Variants in SGCZ observed in about 807,000 individuals in gnomAD.
SGCZ encodes sarcoglycan zeta.
SGCZ carries 40 observed loss-of-function variants against 41.3 expected under a neutral mutation model. The ratio of observed to expected loss-of-function variants is 0.97; its 90% confidence interval spans 0.75 to 1.26. The LOEUF (loss-of-function observed/expected upper bound fraction) is 1.26. Ranked by LOEUF, SGCZ falls within the 50% of genes most tolerant of loss-of-function variation. SGCZ has a pLI of 0.00. For synonymous variants in SGCZ, 206 were observed against 137.5 expected (o/e 1.50, Z -3.49); for missense variants, 552 against 369.8 (o/e 1.49, Z -4.04).
At chr8:14,563,367 GC>G (rs1484386286) in intron 1 of SGCZ, among the ~76,000 whole-genome samples, 1 of 152,190 alleles carries the variant, frequency 6.6e-6, no homozygotes, top group Non-Finnish European at 1.5e-5. Context: ...TGGATAGACG[GC>G]AAAGGCTAAA....
At chr8:14,625,500 G>A (rs1252952139) in intron 1 of SGCZ, among the ~76,000 whole-genome samples, 1 of 152,152 alleles carries the variant, frequency 6.6e-6, no homozygotes, top group Non-Finnish European at 1.5e-5. Context: ...TAGACTATAT[G>A]GAAGGGAAAA....
At chr8:14,247,902 T>C (rs1206448305) in intron 3 of SGCZ, among the ~76,000 whole-genome samples, 1 of 152,170 alleles carries the variant, frequency 6.6e-6, no homozygotes, top group African/African-American at 2.4e-5. Context: ...GTGTCTTATT[T>C]TGGTGAGCAG....
In SGCZ at chr8:14,333,965, T is replaced by C. The variant is rs1222568178; in HGVS notation, c.235-9761A>G. Among the ~76,000 whole-genome samples, 4 of 152,302 alleles carry C rather than the reference T, an allele frequency of 2.6e-5. No homozygotes were observed. The East Asian group carries it at 7.7e-4, about 29-fold the overall frequency. On this transcript the variant is annotated intron_variant, in intron 2 of 7. Transcript: ENST00000382080. ...TGACTTCCTAGCTAGTTTTAAATAC[T>C]GAACATGGCTAGAAATGTGATCTGC...
At chr8:14,285,895 A>G (rs1325830833) in intron 3 of SGCZ, among the ~76,000 whole-genome samples, 1 of 152,108 alleles carries the variant, frequency 6.6e-6, no homozygotes, top group East Asian at 1.9e-4. Flanking sequence ...AATTTTATGT[A>G]AAAAAGGAGA....
intron 1 of SGCZ, among the ~76,000 whole-genome samples, chr8:14,754,522 CT>C (rs1304968104): frequency 2.0e-5 from 3 of 152,144 alleles, no homozygotes; most frequent in African/African-American, 7.2e-5. Flanking sequence ...ATGAAAGCAA[CT>C]TTCATTTACA....
rs556564385 is a variant in SGCZ, at chr8:14,675,148, G to C, written c.40-120222C>G. Among the ~76,000 whole-genome samples the C allele has an allele frequency of 2.6e-5, 4 of 151,490 alleles. No homozygotes were observed. The East Asian group carries it at 7.8e-4, about 30-fold the overall frequency. Reference sequence around the variant, plus strand: ...GTAGAGACAGGCTTTCACCGTGTTAGTCAGGATGGTCTCGATCTCCTGATC... The same window carrying C: ...GTAGAGACAGGCTTTCACCGTGTTACTCAGGATGGTCTCGATCTCCTGATC... On this transcript the variant is annotated intron_variant, in intron 1 of 7. Transcript: ENST00000382080.
intron 3 of SGCZ, among the ~76,000 whole-genome samples, chr8:14,320,868 G>A (rs1180931653): frequency 6.6e-6 from 1 of 152,048 alleles, no homozygotes; most frequent in Non-Finnish European, 1.5e-5. Flanking sequence ...GTTCGTCTCA[G>A]ATAAGAGGTT....
chr8:14,363,664 G>C (rs1182465608), intron 2 of SGCZ, among the ~76,000 whole-genome samples: 4 of 152,022 alleles, frequency 2.6e-5, no homozygotes, highest in Admixed American at 6.6e-5. Flanking sequence ...CCTTTATTCA[G>C]TTTTATTCAG....
In SGCZ at chr8:14,378,302, G is replaced by A. The variant is rs552556246; in HGVS notation, c.235-54098C>T. ...CCAGTGATGGTGAGCATTTTTTCAT[G>A]TGTTTTTTGGCTGCATAAATGTCTT... On this transcript the variant is annotated intron_variant, in intron 2 of 7. Coordinates refer to ENST00000382080, the MANE Select transcript of SGCZ (RefSeq NM_139167.4). 1.8e-4 allele frequency among the ~76,000 whole-genome samples: 27 copies of A among 152,082 alleles called. 1 individual carries two copies. The South Asian group carries it at 5.4e-3, about 30-fold the overall frequency.
At chr8:14,810,258 T>G (rs1279520637) in intron 1 of SGCZ, among the ~76,000 whole-genome samples, 1 of 152,032 alleles carries the variant, frequency 6.6e-6, no homozygotes, top group Non-Finnish European at 1.5e-5. Flanking sequence ...AAATCAAAAA[T>G]TCAAGAAGTT....
chr8:14,698,061 T>G (rs1809022166), intron 1 of SGCZ, among the ~76,000 whole-genome samples: 2 of 152,074 alleles, frequency 1.3e-5, no homozygotes. Flanking sequence ...TTAAAATAAA[T>G]AGCTATGAGG....
rs193189789 is a variant in SGCZ at position 14,354,648 on chromosome 8, G to A, written c.235-30444C>T. 3.0e-3 allele frequency among the ~76,000 whole-genome samples: 450 copies of A among 151,650 alleles called. 13 individuals are homozygous for A. The highest frequency in any genetic ancestry group is 0.028 in the Admixed American group (427 of 15,214). On this transcript the variant is annotated intron_variant, in intron 2 of 7. Coordinates refer to ENST00000382080, the MANE Select transcript of SGCZ (RefSeq NM_139167.4). Reference sequence around the variant, plus strand: ...TGTCTACATAATATAAAATTCCTAAGTATATAGGCATTGTTGTTAAATACA... The same window carrying A: ...TGTCTACATAATATAAAATTCCTAAATATATAGGCATTGTTGTTAAATACA...
chr8:14,757,661 G>C (rs951628536), intron 1 of SGCZ, among the ~76,000 whole-genome samples: 1 of 152,072 alleles, frequency 6.6e-6, no homozygotes, highest in East Asian at 1.9e-4. Flanking sequence ...CAACTCTTTC[G>C]GTTTCACAGC....
chr8:14,197,339 G>T (rs751930730), intron 4 of SGCZ, among the ~76,000 whole-genome samples: 12 of 151,940 alleles, frequency 7.9e-5, no homozygotes, highest in Admixed American at 2.0e-4. Flanking sequence ...GCTACAACAA[G>T]AAGGTAGAAC....
At chr8:15,179,568 C>T (rs1800102600) in intron 1 of SGCZ, among the ~76,000 whole-genome samples, 1 of 152,084 alleles carries the variant, frequency 6.6e-6, no homozygotes, top group South Asian at 2.1e-4. Flanking sequence ...GTTTACAATT[C>T]ATGCTGGGAA....
intron 1 of SGCZ, among the ~76,000 whole-genome samples, chr8:14,619,464 T>C (rs1283090003): frequency 6.6e-6 from 1 of 151,818 alleles, no homozygotes; most frequent in Non-Finnish European, 1.5e-5. Context: ...AGGAAAAAAA[T>C]AAAGGGTATT....
chr8:14,399,452 C>T (rs547635602), intron 2 of SGCZ, among the ~76,000 whole-genome samples: 1 of 152,070 alleles, frequency 6.6e-6, no homozygotes, highest in South Asian at 2.1e-4. Flanking sequence ...TTTAAAATGT[C>T]TTTCTCATGG....
intron 1 of SGCZ, among the ~76,000 whole-genome samples, chr8:14,663,053 CA>C (rs1267332805): frequency 1.3e-5 from 2 of 152,162 alleles, no homozygotes; most frequent in Non-Finnish European, 2.9e-5. Flanking sequence ...GAAAGAAATG[CA>C]GTTCTGCCAA....
At chr8:14,675,972 A>T (rs1287696546) in intron 1 of SGCZ, among the ~76,000 whole-genome samples, 1 of 152,150 alleles carries the variant, frequency 6.6e-6, no homozygotes, top group Non-Finnish European at 1.5e-5. Flanking sequence ...AAACAGAAAC[A>T]CCTGCAGAGT....
Sources: allele counts gnomAD v4.1 joint callset (sites outside exome capture counted in the v4.1 genomes callset), GRCh38; gene constraint gnomAD v4.1.1; transcripts MANE v1.5; gene names NCBI Gene and HGNC (gene_info 2026-07-23, HGNC 2026-07-21).